The following GNB1L variants were observed in gnomAD, a reference collection of about 807,000 sequenced individuals.
The protein encoded by GNB1L is guanine nucleotide-binding protein subunit beta-like protein 1.
GNB1L carries 20 observed loss-of-function variants against 29.1 expected under a neutral mutation model. The observed-to-expected ratio is 0.69, with a 90% CI of 0.48 to 1.00. The LOEUF (loss-of-function observed/expected upper bound fraction) is 1.00, where lower values mean the gene tolerates loss of function less well. Among genes scored for constraint, GNB1L ranks in the 50% least tolerant of loss-of-function variants. GNB1L has a pLI of 0.00. For missense variants in GNB1L, 421 were observed against 464.9 expected (o/e 0.91, Z 0.87); for synonymous variants, 193 against 206.5 (o/e 0.93, Z 0.56).
rs1937377035 is a variant in GNB1L, at chr22:19,801,946, A to G, written c.732+55T>C. On this transcript the variant is annotated intron_variant, in intron 7 of 7. Coordinates refer to ENST00000329517, the MANE Select transcript of GNB1L (RefSeq NM_053004.3). Reference sequence around the variant, plus strand: ...TCATGCCTAAATATTGTTTCAGCCTATCAGACTGTTAGTGCAGAGCAGGAT... The same window carrying G: ...TCATGCCTAAATATTGTTTCAGCCTGTCAGACTGTTAGTGCAGAGCAGGAT... The G allele has an allele frequency of 2.4e-5, 33 of 1,363,342 alleles. 1 individual carries two copies. The highest frequency in any genetic ancestry group is 3.2e-5 in the Non-Finnish European group (32 of 989,456). 84.5% of individuals were successfully genotyped at this position (1,363,342 alleles called of 1,614,324 possible).
chr22:19,831,701 A>T (rs1937683182), intron 2 of GNB1L, among the ~76,000 whole-genome samples: 1 of 151,736 alleles, frequency 6.6e-6, no homozygotes, highest in Non-Finnish European at 1.5e-5. Flanking sequence ...AAAAAAAAAA[A>T]TAAAAGAAAT....
chr22:19,789,555 A>C (rs1601316237), intron 7 of GNB1L, among the ~76,000 whole-genome samples: 1 of 150,952 alleles, frequency 6.6e-6, no homozygotes, highest in East Asian at 2.0e-4. Context: ...GGAGCCACAC[A>C]GTGTACCTTG....
At chr22:19,849,568 T>G (rs890481512) in intron 2 of GNB1L, 16 of 452,426 alleles carry the variant, frequency 3.5e-5, no homozygotes, top group Non-Finnish European at 4.7e-5. Flanking sequence ...GATTTCTCCA[T>G]GCTGGTCAGG....
rs1359778941 is a variant in GNB1L, at chr22:19,785,637, G to A, written c.*3072C>T. 6.6e-6 allele frequency: 1 copy of A among 152,220 alleles called. No individual in the cohort carries two copies. The highest frequency in any genetic ancestry group is 1.5e-5 in the Non-Finnish European group (1 of 68,052). 9.4% of individuals were successfully genotyped at this position (152,220 alleles called of 1,614,324 possible). ...GCAGCGACCAGCCATGCTGCCAGGA[G>A]TCGCCTCTCAGGTTCATCCCAGGAG... On this transcript the variant is annotated 3_prime_UTR_variant, in exon 8 of 8. Transcript: ENST00000329517. This position sits in a 1 kb window ranked among gnomAD's most constrained non-coding sequence, Gnocchi z 4.1.
chr22:19,854,075 T>C (rs1228473849), intron 2 of GNB1L, among the ~76,000 whole-genome samples: 1 of 152,194 alleles, frequency 6.6e-6, no homozygotes, highest in Non-Finnish European at 1.5e-5. Flanking sequence ...TGAGCCTTCC[T>C]AACCCTGGGC....
chr22:19,844,111 C>T (rs1237816260), intron 2 of GNB1L, among the ~76,000 whole-genome samples: 1 of 152,190 alleles, frequency 6.6e-6, no homozygotes, highest in East Asian at 1.9e-4. Flanking sequence ...CAGGTGGGGC[C>T]CAGCACGGTG....
chr22:19,814,579 G>A (rs117169536), intron 4 of GNB1L, among the ~76,000 whole-genome samples: 1 of 152,164 alleles, frequency 6.6e-6, no homozygotes, highest in East Asian at 1.9e-4. Context: ...GGTTGTCCCC[G>A]GCAAGCCATG....
intron 7 of GNB1L, chr22:19,792,328 T>C: frequency 1.1e-6 from 1 of 935,232 alleles, no homozygotes; most frequent in Non-Finnish European, 1.7e-6. Flanking sequence ...GGAAAGAAGG[T>C]GGCTCTGGCC....
chr22:19,800,473 G>C (rs564027169), intron 7 of GNB1L, among the ~76,000 whole-genome samples: 2 of 152,308 alleles, frequency 1.3e-5, no homozygotes, highest in African/African-American at 4.8e-5. Flanking sequence ...GGAGGAGGGA[G>C]GGAGTGCAAG....
chr22:19,828,570 C>A (rs1937639353), intron 2 of GNB1L, among the ~76,000 whole-genome samples: 1 of 151,866 alleles, frequency 6.6e-6, no homozygotes, highest in Non-Finnish European at 1.5e-5. Flanking sequence ...TGCTTGAGCC[C>A]AGGAGTTTGA....
intron 2 of GNB1L, among the ~76,000 whole-genome samples, chr22:19,843,009 G>A (rs944990871): frequency 2.0e-5 from 3 of 152,258 alleles, no homozygotes; most frequent in African/African-American, 7.2e-5. Context: ...CGGAGTCAAA[G>A]GCGCACTTCA....
At chr22:19,851,438 C>A (rs763673672) in intron 2 of GNB1L, 12 of 1,614,054 alleles carry the variant, frequency 7.4e-6, no homozygotes, top group East Asian at 2.2e-5. Flanking sequence ...ACATGTAGAA[C>A]TGGGCAGGAC....
chr22:19,847,623 T>C, intron 2 of GNB1L: 2 of 985,184 alleles, frequency 2.0e-6, no homozygotes, highest in Non-Finnish European at 2.4e-6. Flanking sequence ...TACCGAACCA[T>C]GACCACCCCT....
At chr22:19,824,777 T>G (rs1478956989) in intron 2 of GNB1L, among the ~76,000 whole-genome samples, 2 of 152,338 alleles carry the variant, frequency 1.3e-5, no homozygotes, top group Admixed American at 1.3e-4. Context: ...AATGTCCTGC[T>G]GGCGCAAACC....
At chr22:19,815,109 G>A (rs1005851603) in intron 4 of GNB1L, among the ~76,000 whole-genome samples, 14 of 152,078 alleles carry the variant, frequency 9.2e-5, no homozygotes, top group Non-Finnish European at 1.6e-4. Context: ...CTAAGGAGAC[G>A]TGACAGCTCA....
rs1468350618 is a variant in GNB1L at position 19,847,803 on chromosome 22, G to GGAAAAA, written c.-21+6639_-21+6640insTTTTTC. ...AACTTTTAAAATCCTGGAATCATAGGCAAAAAAAAAAAAAAAAAAAAATTC... is the reference window on the plus strand; with the variant it reads ...AACTTTTAAAATCCTGGAATCATAGGGAAAAACAAAAAAAAAAAAAAAAAAAAATTC... On this transcript the variant is annotated intron_variant, in intron 2 of 7. Coordinates refer to ENST00000329517, the MANE Select transcript of GNB1L (RefSeq NM_053004.3). The GGAAAAA allele has an allele frequency of 7.3e-5, 32 of 440,378 alleles. 1 individual carries two copies. The African/African-American group carries it at 1.3e-3, about 18-fold the overall frequency. 27.3% of individuals were successfully genotyped at this position (440,378 alleles called of 1,614,324 possible).
intron 2 of GNB1L, chr22:19,850,693 G>A (rs541703397): frequency 5.7e-6 from 7 of 1,233,476 alleles, no homozygotes; most frequent in Non-Finnish European, 7.1e-6. Context: ...AAGTCACAGG[G>A]AGCAGAGAGG....
At chr22:19,851,041 T>G in intron 2 of GNB1L, 1 of 1,446,982 alleles carries the variant, frequency 6.9e-7, no homozygotes, top group Non-Finnish European at 9.1e-7. Context: ...CAAGCGCATC[T>G]TGCCCAGCTA....
intron 2 of GNB1L, among the ~76,000 whole-genome samples, chr22:19,853,674 C>T (rs1316826941): frequency 6.6e-6 from 1 of 152,144 alleles, no homozygotes; most frequent in Non-Finnish European, 1.5e-5. Flanking sequence ...GGCCCTACCT[C>T]CACCACCCAA....
Sources: gnomAD v4.1 joint callset for allele counts (sites outside exome capture counted in the v4.1 genomes callset) on GRCh38, gnomAD v4.1.1 for gene constraint, Gnocchi (gnomAD v3.1) non-coding constraint, MANE v1.5 for transcripts, NCBI Gene and HGNC (gene_info 2026-07-23, HGNC 2026-07-21) for gene names.